LRMDA: variants seen among roughly 807,000 people sequenced by gnomAD.
LRMDA encodes the protein leucine rich melanocyte differentiation associated.
LRMDA carries 18 observed loss-of-function variants against 29.8 expected under a neutral mutation model. The ratio of observed to expected loss-of-function variants is 0.60; its 90% CI spans 0.42 to 0.90. The LOEUF (loss-of-function observed/expected upper bound fraction) is 0.90, where lower values mean the gene tolerates loss of function less well. Among genes scored for constraint, LRMDA ranks in the 40% least tolerant of loss-of-function variants. The pLI, the probability that LRMDA is intolerant of heterozygous loss-of-function variation, is 0.00. For missense variants in LRMDA, 273 were observed against 273.9 expected (o/e 1.00, Z 0.02); for synonymous variants, 125 against 109.4 (o/e 1.14, Z -0.89).
intron 2 of LRMDA, among the ~76,000 whole-genome samples, chr10:75,831,569 G>T (rs1373034699): frequency 6.6e-6 from 1 of 152,118 alleles, no homozygotes; most frequent in Non-Finnish European, 1.5e-5. Context: ...TACCATTCTG[G>T]GGTCTGGAGG....
At chr10:75,577,314 A>T (rs1840519560) in intron 2 of LRMDA, among the ~76,000 whole-genome samples, 1 of 152,206 alleles carries the variant, frequency 6.6e-6, no homozygotes, top group Non-Finnish European at 1.5e-5. Flanking sequence ...ACTCAATGAA[A>T]TAAAGTGAGA....
Position 75,466,669 on chromosome 10 carries a change from C to T in LRMDA, c.131+28175C>T, listed in dbSNP as rs939386399. On this transcript the variant is annotated intron_variant, in intron 2 of 6. Transcript: ENST00000611255. Reference sequence around the variant, plus strand: ...CTTGGAGTGTCTTGGATAGGTGAGGCTGTGCCCTGCCCCCTCCTCAGCATT... The same window carrying T: ...CTTGGAGTGTCTTGGATAGGTGAGGTTGTGCCCTGCCCCCTCCTCAGCATT... Among the ~76,000 whole-genome samples, 5 of 152,130 alleles carry T rather than the reference C, an allele frequency of 3.3e-5. No individual in the cohort carries two copies. The South Asian group carries it at 1.0e-3, about 32-fold the overall frequency.
chr10:76,146,916 A>T (rs1265392721), intron 5 of LRMDA, among the ~76,000 whole-genome samples: 1 of 152,104 alleles, frequency 6.6e-6, no homozygotes. Context: ...GCTTGTCTGT[A>T]AAGTATTTTA....
chr10:75,493,554 C>T (rs1018159816), intron 2 of LRMDA, among the ~76,000 whole-genome samples: 3 of 152,064 alleles, frequency 2.0e-5, no homozygotes, highest in Non-Finnish European at 4.4e-5. Flanking sequence ...GAAGCTGTGA[C>T]TGTTGGAGGT....
At chr10:75,922,276 T>C (rs1846039438) in intron 2 of LRMDA, among the ~76,000 whole-genome samples, 1 of 152,222 alleles carries the variant, frequency 6.6e-6, no homozygotes. Flanking sequence ...GTTGCCACCT[T>C]AATGGTCTCT....
At chr10:76,450,073 C>T (rs189662219) in intron 6 of LRMDA, among the ~76,000 whole-genome samples, 452 of 152,120 alleles carry the variant, frequency 3.0e-3, no homozygotes, top group Admixed American at 5.5e-3. Flanking sequence ...TTCTTGATTT[C>T]TCTTTTTCTT....
At chr10:76,169,710 G>C (rs1365600725) in intron 5 of LRMDA, among the ~76,000 whole-genome samples, 1 of 152,096 alleles carries the variant, frequency 6.6e-6, no homozygotes, top group African/African-American at 2.4e-5. Flanking sequence ...CAAACTCAAG[G>C]TCCTACCAAG....
intron 5 of LRMDA, among the ~76,000 whole-genome samples, chr10:76,173,424 A>G (rs573164161): frequency 2.6e-5 from 4 of 152,348 alleles, no homozygotes; most frequent in African/African-American, 7.2e-5. Flanking sequence ...CTTTGAGACT[A>G]TTAATAAAAT....
intron 2 of LRMDA, among the ~76,000 whole-genome samples, chr10:75,529,290 G>T (rs1845448913): frequency 1.3e-5 from 2 of 152,196 alleles, no homozygotes; most frequent in Admixed American, 1.3e-4. Context: ...AACATGGGAA[G>T]CTAGGATATA....
At chr10:75,472,816 C>T (rs1391445668) in intron 2 of LRMDA, among the ~76,000 whole-genome samples, 1 of 152,194 alleles carries the variant, frequency 6.6e-6, no homozygotes, top group Non-Finnish European at 1.5e-5. Context: ...GAGCAAAGCC[C>T]TACATCTGTT....
At chr10:75,583,011 C>T (rs886182475) in intron 2 of LRMDA, among the ~76,000 whole-genome samples, 3 of 152,204 alleles carry the variant, frequency 2.0e-5, no homozygotes, top group African/African-American at 7.2e-5. Context: ...CTCATTTCCA[C>T]CTGGGAACTT....
intron 6 of LRMDA, among the ~76,000 whole-genome samples, chr10:76,425,685 G>A (rs1018572731): frequency 6.6e-6 from 1 of 151,798 alleles, no homozygotes; most frequent in Non-Finnish European, 1.5e-5. Flanking sequence ...CATGTGTCAT[G>A]TTGGTGTGCT....
chr10:75,642,754 G>A (rs1213312803), intron 2 of LRMDA: 1 of 152,204 alleles, frequency 6.6e-6, no homozygotes, highest in East Asian at 1.9e-4. Flanking sequence ...CAGAAGGGCA[G>A]TAAAGGGGAA....
intron 2 of LRMDA, among the ~76,000 whole-genome samples, chr10:75,811,933 T>C (rs1843968373): frequency 6.6e-6 from 1 of 152,186 alleles, no homozygotes; most frequent in Non-Finnish European, 1.5e-5. Context: ...TAGGATTGCC[T>C]TTTGATACAA....
At chr10:75,882,362 A>G (rs1845309117) in intron 2 of LRMDA, among the ~76,000 whole-genome samples, 1 of 152,156 alleles carries the variant, frequency 6.6e-6, no homozygotes, top group African/African-American at 2.4e-5. Flanking sequence ...GGGGACCTAT[A>G]TTGGAACTTT....
intron 2 of LRMDA, among the ~76,000 whole-genome samples, chr10:75,585,359 C>T (rs890457224): frequency 5.3e-5 from 8 of 152,170 alleles, no homozygotes; most frequent in African/African-American, 1.9e-4. Context: ...TACAGTGTCC[C>T]ATTGTTTGGA....
At chr10:75,514,107 A>G (rs1845259218) in intron 2 of LRMDA, among the ~76,000 whole-genome samples, 1 of 150,776 alleles carries the variant, frequency 6.6e-6, no homozygotes, top group South Asian at 2.1e-4. Context: ...CCTAAACACT[A>G]CAGCCTAGCT....
At chr10:75,958,684 G>C (rs574215983) in intron 2 of LRMDA, among the ~76,000 whole-genome samples, 1 of 152,324 alleles carries the variant, frequency 6.6e-6, no homozygotes, top group Non-Finnish European at 1.5e-5. Flanking sequence ...AATAGAATTT[G>C]CTACTGGGTT....
At chr10:76,156,547 G>C (rs1850541063) in intron 5 of LRMDA, among the ~76,000 whole-genome samples, 1 of 148,908 alleles carries the variant, frequency 6.7e-6, no homozygotes, top group Non-Finnish European at 1.5e-5. Context: ...GGCCACAGAT[G>C]ACAGGAAGAG....
Sources: gnomAD v4.1 joint callset for allele counts (sites outside exome capture counted in the v4.1 genomes callset) on GRCh38, gnomAD v4.1.1 for gene constraint, MANE v1.5 for transcripts, NCBI Gene and HGNC (gene_info 2026-07-23, HGNC 2026-07-21) for gene names.